RALGDS: variants seen among roughly 807,000 people sequenced by gnomAD.
RALGDS encodes the protein ral guanine nucleotide exchange factor.
Under a neutral mutation model 99.8 loss-of-function variants are expected in RALGDS, and 44 were observed. That is an observed-to-expected ratio of 0.44 (90% CI 0.35 to 0.57). The LOEUF (loss-of-function observed/expected upper bound fraction) is 0.57. Among genes scored for constraint, RALGDS ranks in the 20% least tolerant of loss-of-function variants. RALGDS has a pLI of 0.01. For synonymous variants in RALGDS, 529 were observed against 505.0 expected (o/e 1.05, Z -0.64); for missense variants, 1,022 against 1,203.1 (o/e 0.85, Z 2.23).
At chr9:133,113,402 T>G (rs558306744) in intron 1 of RALGDS, among the ~76,000 whole-genome samples, 1 of 152,276 alleles carries the variant, frequency 6.6e-6, no homozygotes, top group East Asian at 1.9e-4. Flanking sequence ...GGAAGTCCAC[T>G]TCCTCCGACC....
At chr9:133,110,017 A>G (rs1269969754) in intron 3 of RALGDS, among the ~76,000 whole-genome samples, 1 of 152,206 alleles carries the variant, frequency 6.6e-6, no homozygotes, top group Non-Finnish European at 1.5e-5. Context: ...GGCTTGGGGC[A>G]GAGAGCTTCC....
chr9:133,146,247 G>T (rs577071711), intron 1 of RALGDS, among the ~76,000 whole-genome samples: 2 of 152,304 alleles, frequency 1.3e-5, no homozygotes, highest in African/African-American at 4.8e-5. Flanking sequence ...GAGTGCAGTG[G>T]CATGATCTTG....
chr9:133,110,256 G>T (rs1169000387), intron 3 of RALGDS, 40 bp downstream of exon 3: 1 of 1,582,656 alleles, frequency 6.3e-7, no homozygotes, highest in Non-Finnish European at 8.7e-7. Flanking sequence ...TGGGGGCGAG[G>T]GCCCCTGTGC....
chr9:133,117,543 G>A (rs1360820963), intron 1 of RALGDS, among the ~76,000 whole-genome samples: 5 of 152,232 alleles, frequency 3.3e-5, no homozygotes, highest in South Asian at 4.1e-4. Context: ...TGCCTCCCCC[G>A]CCCGTGGGCA....
Position 133,101,610 on chromosome 9 carries a change from C to T in RALGDS, c.2364G>A (p.Ala788=), listed in dbSNP as rs779937970. 5.6e-6 allele frequency: 9 copies of T among 1,613,036 alleles called. No homozygotes were observed. Among genetic ancestry groups the T allele is most frequent in the African/African-American group, 5.3e-5 (4 of 75,076 alleles). Residue 788 remains alanine, a synonymous_variant, in exon 16 of 18, where the codon GCG becomes GCA. Coordinates refer to ENST00000372050, the MANE Select transcript of RALGDS (RefSeq NM_006266.4). ...CCACCTGCTGGTTGTAGAGCGGCAG[C>T]GCGGAGCTGGAGTTGCAGAGCCCTG... ...SVSGLCNSSS[A]LPLYNQQVGD... is the part of the protein sequence containing the mutation.
Position 133,102,544 on chromosome 9 carries a change from G to A in RALGDS, c.1941C>T (p.Pro647=). The change falls in exon 14 of 18, where the codon CCC becomes CCT. Residue 647 remains proline, a synonymous_variant. Transcript: ENST00000372050. ...GGGTGTTGCTGGCTGACTCGGATGG[G>A]GGCTCCAGCTCGCACGACAGGTTGT... ...ESYNLSCELE[P]PSESASNTLR... 1 of 1,614,104 alleles carries A rather than the reference G, an allele frequency of 6.2e-7. No individual in the cohort carries two copies. The highest frequency in any genetic ancestry group is 1.3e-5 in the African/African-American group (1 of 75,064).
At chr9:133,104,094 G>A (rs1830899404) in intron 10 of RALGDS, among the ~76,000 whole-genome samples, 169 bp downstream of exon 10, 1 of 152,188 alleles carries the variant, frequency 6.6e-6, no homozygotes, top group South Asian at 2.1e-4. Flanking sequence ...GTCCTTTCGT[G>A]GCTGCAGCTG....
intron 1 of RALGDS, among the ~76,000 whole-genome samples, chr9:133,148,760 C>T (rs986629112): frequency 5.9e-5 from 9 of 152,348 alleles, no homozygotes; most frequent in African/African-American, 2.2e-4. Flanking sequence ...TGGACTCCGC[C>T]AACTTCGTGT....
In RALGDS at chr9:133,102,496, G is replaced by A. The variant is rs760668997; in HGVS notation, c.1989C>T (p.Ala663=). 2 of 1,613,986 alleles carry A rather than the reference G, an allele frequency of 1.2e-6. No individual in the cohort carries two copies. Among genetic ancestry groups the A allele is most frequent in the Admixed American group, 1.7e-5 (1 of 60,012 alleles). Residue 663 remains alanine, a synonymous_variant, in exon 14 of 18, where the codon GCC becomes GCT. Transcript: ENST00000372050. The stretch of plus-strand genomic sequence containing the variant: ...CTTACTCGCTCCAGCGCTTGACAAT[G>A]GCTGTGTTCTTCTTGGTCCTGAGGG... The part of the protein sequence containing the change: ...SNTLRTKKNT[A]IVKRWSDRQA...
At chr9:133,129,790 G>A (rs543865149) in intron 1 of RALGDS, among the ~76,000 whole-genome samples, 1 of 151,196 alleles carries the variant, frequency 6.6e-6, no homozygotes, top group South Asian at 2.1e-4. Flanking sequence ...CTGGCACCCA[G>A]GCACGAGATT....
intron 13 of RALGDS, 22 bp downstream of exon 13, chr9:133,102,757 C>A (rs763725621): frequency 2.5e-6 from 4 of 1,608,734 alleles, no homozygotes; most frequent in Non-Finnish European, 3.4e-6. Context: ...CCCACTGTCC[C>A]CATTTGCTGC....
chr9:133,129,118 C>A (rs1410098998), intron 1 of RALGDS: 1 of 1,576,004 alleles, frequency 6.3e-7, no homozygotes, highest in African/African-American at 1.3e-5. Flanking sequence ...GGCAGAGGCA[C>A]TGGTTGCCCT....
Position 133,144,385 on chromosome 9 carries a change from C to T in RALGDS, c.18+4578G>A, listed in dbSNP as rs1832588705. ...CTCGCCACCCCTGTCACCTCCTCCT[C>T]CGCCCCCCGCCGGCCTCCGACGCAA... On this transcript the variant is annotated intron_variant, in intron 1 of 17. Coordinates refer to the RALGDS transcript ENST00000393160. This position sits in a 1 kb window ranked among gnomAD's most constrained non-coding sequence, Gnocchi z 4.5. 6.6e-6 allele frequency among the ~76,000 whole-genome samples: 1 copy of T among 152,192 alleles called. No homozygotes were observed. Among genetic ancestry groups the T allele is most frequent in the Non-Finnish European group, 1.5e-5 (1 of 68,022 alleles).
intron 1 of RALGDS, among the ~76,000 whole-genome samples, chr9:133,118,782 G>C (rs573982125): frequency 4.0e-4 from 61 of 152,336 alleles, no homozygotes; most frequent in Middle Eastern, 6.8e-3. Flanking sequence ...CCTGCACACA[G>C]TAGGTGCCAC....
intron 9 of RALGDS, among the ~76,000 whole-genome samples, chr9:133,104,855 ACT>A (rs1227334608): frequency 1.3e-5 from 2 of 151,870 alleles, no homozygotes; most frequent in African/African-American, 2.4e-5. Context: ...GGCCTCAGAG[ACT>A]CTGCGCTACA....
In RALGDS at chr9:133,098,777, C is replaced by T. The variant is rs1830609327; in HGVS notation, c.2570-15G>A. On this transcript the variant is annotated splice_polypyrimidine_tract_variant and intron_variant, in intron 17 of 17. Coordinates refer to ENST00000372050, the MANE Select transcript of RALGDS (RefSeq NM_006266.4). ...GATCTTCAGCTCTGGTGGGGAGGGG[C>T]AGAGGGGTGATCAGGGATGCTCCTG... 1 of 1,613,604 alleles carries T rather than the reference C, an allele frequency of 6.2e-7. No homozygotes were observed. The highest frequency in any genetic ancestry group is 1.1e-5 in the South Asian group (1 of 91,076).
intron 1 of RALGDS, among the ~76,000 whole-genome samples, chr9:133,116,213 CACAG>C (rs979005037): frequency 2.6e-5 from 4 of 152,350 alleles, no homozygotes; most frequent in South Asian, 2.1e-4. Flanking sequence ...ATCCCCAGCG[CACAG>C]ACAAAGCATC....
At chr9:133,119,427 A>G (rs1831792917) in intron 1 of RALGDS, among the ~76,000 whole-genome samples, 1 of 152,108 alleles carries the variant, frequency 6.6e-6, no homozygotes, top group African/African-American at 2.4e-5. Context: ...TGATTTCTAA[A>G]TAGCAGTCGA....
Position 133,110,241 on chromosome 9 carries a change from G to A in RALGDS, c.488+55C>T, listed in dbSNP as rs373949335. On this transcript the variant is annotated intron_variant, in intron 3 of 17. Transcript: ENST00000372050. ...GCATTGCCAAGACCCGCAGCCAGGT[G>A]GGGGTGGGGGCGAGGGCCCCTGTGC... The A allele has an allele frequency of 5.9e-6, 9 of 1,533,960 alleles. No homozygotes were observed. In the East Asian group the frequency reaches 1.4e-4, roughly 23 times the overall value.
Sources: allele counts gnomAD v4.1 joint callset (sites outside exome capture counted in the v4.1 genomes callset), GRCh38; gene constraint gnomAD v4.1.1; non-coding constraint Gnocchi (gnomAD v3.1); transcripts MANE v1.5; gene names NCBI Gene and HGNC (gene_info 2026-07-23, HGNC 2026-07-21).